Variants in FAM124A observed in about 807,000 individuals in gnomAD.
FAM124A encodes the protein family with sequence similarity 124 member A, also known as protein FAM124A.
In FAM124A, 23 loss-of-function variants were observed where a neutral mutation model predicts 24.5. That is an observed-to-expected ratio of 0.94 (90% CI 0.68 to 1.33). FAM124A has a LOEUF of 1.33. Among genes scored for constraint, FAM124A ranks in the 40% most tolerant of loss-of-function variants. FAM124A has a pLI of 0.00. For missense variants in FAM124A, 623 were observed against 722.8 expected, an observed-to-expected ratio of 0.86 and a Z score of 1.58; for synonymous variants, 287 against 314.7, an observed-to-expected ratio of 0.91 and a Z score of 0.93.
intron 2 of FAM124A, among the ~76,000 whole-genome samples, chr13:51,235,241 G>A (rs1044965718): frequency 6.6e-6 from 1 of 152,094 alleles, no homozygotes; most frequent in Non-Finnish European, 1.5e-5. Context: ...TGCTATGGAA[G>A]ATTAATTTTT....
chr13:51,263,174 C>T (rs1954753946), intron 3 of FAM124A, among the ~76,000 whole-genome samples: 1 of 151,984 alleles, frequency 6.6e-6, no homozygotes, highest in Non-Finnish European at 1.5e-5. Flanking sequence ...GATCTCCAGG[C>T]CCAGCCCACA....
rs912965842 is a variant in FAM124A at position 51,284,127 on chromosome 13, C to T, written c.*2871C>T. 1 of 152,228 alleles carries T rather than the reference C, an allele frequency of 6.6e-6. No homozygotes were observed. The highest frequency in any genetic ancestry group is 1.5e-5 in the Non-Finnish European group (1 of 68,052). 9.4% of individuals were successfully genotyped at this position (152,228 alleles called of 1,614,324 possible). A position where few individuals can be genotyped will look rare whatever the true frequency, so the allele number is the denominator to read the frequency against. On this transcript the variant is annotated 3_prime_UTR_variant, in exon 4 of 4. Coordinates refer to ENST00000322475, the MANE Select transcript of FAM124A (RefSeq NM_001242312.2). ...CTGGCCATTCCAGTAGCATCTTCCT[C>T]ATCCAGAAGGGCTTCCAATACTCTC...
intron 2 of FAM124A, among the ~76,000 whole-genome samples, chr13:51,234,771 C>T (rs1954417720): frequency 6.6e-6 from 1 of 152,198 alleles, no homozygotes; most frequent in Non-Finnish European, 1.5e-5. Flanking sequence ...CATCCTCTCT[C>T]GTGGCCTGTA....
chr13:51,257,507 G>A (rs952792831), intron 3 of FAM124A, among the ~76,000 whole-genome samples: 7 of 152,294 alleles, frequency 4.6e-5, no homozygotes, highest in Non-Finnish European at 1.0e-4. Context: ...GCTTATGTGC[G>A]TCATCATAAA....
chr13:51,273,301 G>A (rs1053438604), intron 3 of FAM124A, among the ~76,000 whole-genome samples: 5 of 152,054 alleles, frequency 3.3e-5, no homozygotes, highest in Admixed American at 6.6e-5. Flanking sequence ...TCAGGGATGC[G>A]GTTAAACATC....
At chr13:51,249,883 G>C (rs917757218) in intron 2 of FAM124A, among the ~76,000 whole-genome samples, 1 of 152,248 alleles carries the variant, frequency 6.6e-6, no homozygotes, top group East Asian at 1.9e-4. Context: ...GCACTGCACA[G>C]TTCTCAGGGA....
At chr13:51,245,079 G>A (rs540042566) in intron 2 of FAM124A, among the ~76,000 whole-genome samples, 1 of 152,318 alleles carries the variant, frequency 6.6e-6, no homozygotes, top group South Asian at 2.1e-4. Context: ...AAAGAGAAAG[G>A]CTATCTCCTG....
rs749227482 is a variant in FAM124A at position 51,252,180 on chromosome 13, T to A, written c.813T>A (p.Asp271Glu). The A allele has an allele frequency of 4.3e-6, 7 of 1,613,414 alleles. No individual in the cohort carries two copies. Among genetic ancestry groups the A allele is most frequent in the Non-Finnish European group, 5.9e-6 (7 of 1,180,020 alleles). ...SEGRWQTEDH[D>E]GNKILLQAQR... is the part of the protein sequence containing the mutation. ...GGCGCTGGCAGACGGAGGACCATGA[T>A]GGGAACAAGATCCTCCTACAGGTAC... Residue 271 changes from aspartate (D) to glutamate (E), a missense_variant, in exon 3 of 4, where the codon GAT becomes GAA. Coordinates refer to ENST00000322475, the MANE Select transcript of FAM124A (RefSeq NM_001242312.2).
intron 3 of FAM124A, among the ~76,000 whole-genome samples, chr13:51,264,854 A>G (rs952733771): frequency 3.3e-5 from 5 of 152,158 alleles, no homozygotes; most frequent in African/African-American, 1.2e-4. Context: ...TGGTTCAGAC[A>G]TTGTGTGTAT....
At chr13:51,263,677 A>C (rs940188850) in intron 3 of FAM124A, among the ~76,000 whole-genome samples, 3 of 152,224 alleles carry the variant, frequency 2.0e-5, no homozygotes, top group Admixed American at 6.5e-5. Flanking sequence ...GTTTCTGCTT[A>C]TTGGGAATTT....
chr13:51,275,197 A>T (rs1954874744), intron 3 of FAM124A, among the ~76,000 whole-genome samples: 1 of 144,054 alleles, frequency 6.9e-6, no homozygotes, highest in African/African-American at 2.6e-5. Context: ...ACATAGCCAG[A>T]CCCTGTATAT....
intron 3 of FAM124A, among the ~76,000 whole-genome samples, chr13:51,277,519 G>A (rs1954895805): frequency 6.6e-6 from 1 of 152,370 alleles, no homozygotes; most frequent in Admixed American, 6.5e-5. Context: ...AATTGGCCGG[G>A]CATGGTGGCT....
chr13:51,280,171 C>T (rs9652165), intron 3 of FAM124A, among the ~76,000 whole-genome samples: 1 of 152,166 alleles, frequency 6.6e-6, no homozygotes, highest in Admixed American at 6.5e-5. Context: ...GTTTGTTGAG[C>T]GCAATGGGCA....
Position 51,251,212 on chromosome 13 carries a change from A to G in FAM124A, c.101-256A>G, listed in dbSNP as rs1036992823. Among the ~76,000 whole-genome samples the G allele has an allele frequency of 1.3e-5, 2 of 152,236 alleles. No homozygotes were observed. The highest frequency in any genetic ancestry group is 4.8e-5 in the African/African-American group (2 of 41,466). On this transcript the variant is annotated intron_variant, in intron 2 of 3. Transcript: ENST00000322475. This position sits in a 1 kb window ranked among gnomAD's most constrained non-coding sequence, Gnocchi z 5.3. ...TATACCAACCAACCTGATGAAATAC[A>G]GGACCAAGGTTCTCCTCACCCTGTC... is the stretch of plus-strand genomic sequence containing the variant.
In FAM124A at chr13:51,281,501, A is replaced by G. The variant is rs1356489315; in HGVS notation, c.*245A>G. On this transcript the variant is annotated 3_prime_UTR_variant, in exon 4 of 4. Coordinates refer to ENST00000322475, the MANE Select transcript of FAM124A (RefSeq NM_001242312.2). ...TTGTCATAAAATATATTTTTTGAATATTCAGCATTTGAGGTATGGTTTAGT... is the reference window on the plus strand; with the variant it reads ...TTGTCATAAAATATATTTTTTGAATGTTCAGCATTTGAGGTATGGTTTAGT... The G allele has an allele frequency of 4.7e-6, 2 of 425,152 alleles. No individual in the cohort carries two copies. The highest frequency in any genetic ancestry group is 2.0e-5 in the African/African-American group (1 of 49,530). 26.3% of individuals were successfully genotyped at this position (425,152 alleles called of 1,614,324 possible).
intron 3 of FAM124A, among the ~76,000 whole-genome samples, chr13:51,273,500 T>G (rs1464719912): frequency 6.6e-6 from 1 of 152,182 alleles, no homozygotes; most frequent in African/African-American, 2.4e-5. Flanking sequence ...CTCAAACTCC[T>G]GAGCTTAAGC....
chr13:51,283,740 G>A lies in FAM124A; in HGVS notation c.*2484G>A, dbSNP rs1954961125. On this transcript the variant is annotated 3_prime_UTR_variant, in exon 4 of 4. Coordinates refer to ENST00000322475, the MANE Select transcript of FAM124A (RefSeq NM_001242312.2). ...CCACCTCCAATGAACAGGGAAGCAA[G>A]TTCATCAGTAACAAAAGTCAGTGAG... The A allele has an allele frequency of 9.2e-6, 1 of 108,846 alleles. No individual in the cohort carries two copies. The highest frequency in any genetic ancestry group is 1.7e-5 in the Non-Finnish European group (1 of 58,402). The allele number at this position is 108,846 out of a possible 1,614,324, so 6.7% of individuals were successfully genotyped here.
Position 51,251,385 on chromosome 13 carries a change from G to A in FAM124A, c.101-83G>A, listed in dbSNP as rs1954617609. On this transcript the variant is annotated intron_variant, in intron 2 of 3. Transcript: ENST00000322475. This position sits in a 1 kb window ranked among gnomAD's most constrained non-coding sequence, Gnocchi z 5.3. ...AGAATTTGACTTCTCTTCCTGTCAAGCCTGTACACGTCATCACTGGACACT... is the reference window on the plus strand; with the variant it reads ...AGAATTTGACTTCTCTTCCTGTCAAACCTGTACACGTCATCACTGGACACT... 7.0e-7 allele frequency: 1 copy of A among 1,422,220 alleles called. No homozygotes were observed. Among genetic ancestry groups the A allele is most frequent in the South Asian group, 2.0e-5 (1 of 50,362 alleles). The allele number at this position is 1,422,220 out of a possible 1,614,324, so 88.1% of individuals were successfully genotyped here. A position where few individuals can be genotyped will look rare whatever the true frequency, so the allele number is the denominator to read the frequency against.
chr13:51,269,150 G>C (rs535876582), intron 3 of FAM124A, among the ~76,000 whole-genome samples: 1 of 152,192 alleles, frequency 6.6e-6, no homozygotes, highest in Non-Finnish European at 1.5e-5. Context: ...TAGAATTGCT[G>C]TCTGTGTGCA....
Sources: allele counts gnomAD v4.1 joint callset (sites outside exome capture counted in the v4.1 genomes callset), GRCh38; gene constraint gnomAD v4.1.1; non-coding constraint Gnocchi (gnomAD v3.1); transcripts MANE v1.5; gene names NCBI Gene and HGNC (gene_info 2026-07-23, HGNC 2026-07-21).